The following SLC5A4 variants were observed in gnomAD, a reference collection of about 807,000 sequenced individuals.
SLC5A4 encodes probable glucose sensor protein SLC5A4.
SLC5A4 carries 55 observed loss-of-function variants against 70.3 expected under a neutral mutation model. That is an observed-to-expected ratio of 0.78 (90% CI 0.63 to 0.98). SLC5A4 has a LOEUF of 0.98. Among genes scored for constraint, SLC5A4 ranks in the 50% least tolerant of loss-of-function variants. The pLI, the probability that SLC5A4 is intolerant of heterozygous loss-of-function variation, is 0.00. For missense variants in SLC5A4, 735 were observed against 839.2 expected (o/e 0.88, Z 1.53); for synonymous variants, 268 against 305.7 (o/e 0.88, Z 1.29).
chr22:32,338,902 G>T, the SLC5A4 span, among the ~76,000 whole-genome samples: 1 of 152,202 alleles, frequency 6.6e-6, no homozygotes, highest in Admixed American at 6.5e-5. Context: ...GGTGTCTGCT[G>T]TTTTCTGGAG....
At chr22:32,307,834 G>A in the SLC5A4 span, among the ~76,000 whole-genome samples, 1 of 152,192 alleles carries the variant, frequency 6.6e-6, no homozygotes, top group African/African-American at 2.4e-5. Flanking sequence ...TCCAGGCATG[G>A]CCTGACTGTC....
chr22:32,307,792 C>T, the SLC5A4 span, among the ~76,000 whole-genome samples: 1 of 152,230 alleles, frequency 6.6e-6, no homozygotes, highest in African/African-American at 2.4e-5. Context: ...TGATGTACTC[C>T]TGGACTGCAA....
At chr22:32,219,287 T>C (rs769002258) in intron 14 of SLC5A4, among the ~76,000 whole-genome samples, 6 of 152,184 alleles carry the variant, frequency 3.9e-5, no homozygotes, top group South Asian at 2.1e-4. Context: ...CAAAATCATA[T>C]AGGCATGAAC....
chr22:32,351,691 T>G, the SLC5A4 span, among the ~76,000 whole-genome samples: 2 of 87,368 alleles, frequency 2.3e-5, no homozygotes, highest in African/African-American at 1.0e-4. Context: ...CAGAGCAAGA[T>G]TCCGTCGGGG....
chr22:32,336,898 C>A, the SLC5A4 span, among the ~76,000 whole-genome samples: 1 of 152,226 alleles, frequency 6.6e-6, no homozygotes, highest in Non-Finnish European at 1.5e-5. Context: ...TGGCCTACGG[C>A]CAGCCTTCAA....
chr22:32,220,877 C>A, intron 14 of SLC5A4, 43 bp downstream of exon 14: 1 of 1,210,576 alleles, frequency 8.3e-7, no homozygotes, highest in Non-Finnish European at 1.2e-6. Flanking sequence ...CAAGCCTGTG[C>A]ACAGAGTTCC....
chr22:32,257,285 AG>A (rs1456382130), upstream of SLC5A4, among the ~76,000 whole-genome samples: 2 of 152,260 alleles, frequency 1.3e-5, no homozygotes, highest in Non-Finnish European at 2.9e-5. Flanking sequence ...CTTGTGGAGC[AG>A]GACTACCTCA....
At chr22:32,354,678 G>C in the SLC5A4 span, among the ~76,000 whole-genome samples, 1 of 151,576 alleles carries the variant, frequency 6.6e-6, no homozygotes, top group Non-Finnish European at 1.5e-5. Flanking sequence ...ACACCCGATA[G>C]CACCCCCAAC....
the SLC5A4 span, among the ~76,000 whole-genome samples, chr22:32,283,458 C>T: frequency 5.9e-5 from 9 of 152,356 alleles, no homozygotes; most frequent in South Asian, 1.0e-3. Flanking sequence ...AACATTTTCT[C>T]CATCACTTGC....
At chr22:32,292,346 AATTTTCTAATCTGTACACACAT>A in the SLC5A4 span, among the ~76,000 whole-genome samples, 3 of 143,838 alleles carry the variant, frequency 2.1e-5, no homozygotes, top group Admixed American at 2.2e-4. Flanking sequence ...GAACTATAGG[AATTTTCTAATCTGTACACACAT>A]ATTTTCTAAT....
chr22:32,285,791 C>G, the SLC5A4 span, among the ~76,000 whole-genome samples: 2 of 151,350 alleles, frequency 1.3e-5, no homozygotes, highest in Admixed American at 1.3e-4. Context: ...GGCTGGAGTG[C>G]AGCGGCGCGA....
chr22:32,320,516 C>T, the SLC5A4 span, among the ~76,000 whole-genome samples: 1 of 152,214 alleles, frequency 6.6e-6, no homozygotes, highest in African/African-American at 2.4e-5. Context: ...GAGAGCCATG[C>T]AGAGACCAGG....
chr22:32,266,773 A>G, the SLC5A4 span, among the ~76,000 whole-genome samples: 3 of 152,232 alleles, frequency 2.0e-5, no homozygotes. Context: ...CATATTTTGC[A>G]TATGTGTTAT....
At position 32,218,856 on chromosome 22, in the gene SLC5A4, G is replaced by T. The variant is rs957822130; in HGVS notation, c.1769-131C>A. On this transcript the variant is annotated intron_variant, in intron 14 of 14. Transcript: ENST00000266086. ...TGGGAGTGTTAAGAGGAATCCCTGA[G>T]AAAATGTAGATAAATTTAATCATAT... 1.3e-5 allele frequency: 8 copies of T among 630,238 alleles called. 1 individual carries two copies. The highest frequency in any genetic ancestry group is 2.9e-5 in the East Asian group (1 of 34,124). The allele number at this position is 630,238 out of a possible 1,614,324, so 39.0% of individuals were successfully genotyped here.
At chr22:32,350,863 C>T in the SLC5A4 span, among the ~76,000 whole-genome samples, 2 of 150,230 alleles carry the variant, frequency 1.3e-5, no homozygotes, top group African/African-American at 4.9e-5. Flanking sequence ...ATATTGTTTC[C>T]TTAAAGCAGT....
intron 7 of SLC5A4, among the ~76,000 whole-genome samples, chr22:32,236,726 A>ATGGAGTCTCGCTCTGTTGCCCAGGC (rs1382803548): frequency 9.6e-4 from 141 of 146,194 alleles, no homozygotes; most frequent in African/African-American, 3.4e-3. Flanking sequence ...TTTTTTTGAG[A>ATGGAGTCTCGCTCTGTTGCCCAGGC]TGGAGTCTCG....
At chr22:32,351,933 A>G in the SLC5A4 span, among the ~76,000 whole-genome samples, 1 of 152,048 alleles carries the variant, frequency 6.6e-6, no homozygotes, top group Admixed American at 6.5e-5. Flanking sequence ...GAAAATGATG[A>G]TAAGCAGAAG....
chr22:32,226,992 C>T (rs1219468962), intron 11 of SLC5A4, among the ~76,000 whole-genome samples: 1 of 152,134 alleles, frequency 6.6e-6, no homozygotes, highest in East Asian at 1.9e-4. Flanking sequence ...GCTCAGATGC[C>T]ACCTCCTCAG....
intron 2 of SLC5A4, among the ~76,000 whole-genome samples, chr22:32,253,641 G>A (rs529174365): frequency 3.0e-4 from 46 of 152,292 alleles, no homozygotes; most frequent in African/African-American, 8.2e-4. Flanking sequence ...AGACTGAACC[G>A]GCTGTCATAA....
Sources: allele counts gnomAD v4.1 joint callset (sites outside exome capture counted in the v4.1 genomes callset), GRCh38; gene constraint gnomAD v4.1.1; transcripts MANE v1.5; gene names NCBI Gene and HGNC (gene_info 2026-07-23, HGNC 2026-07-21).